PCSK5: variants seen among roughly 807,000 people sequenced by gnomAD.
PCSK5 encodes the protein proprotein convertase subtilisin/kexin type 5.
Under a neutral mutation model 233.2 loss-of-function variants are expected in PCSK5, and 129 were observed. That is an observed-to-expected ratio of 0.55 (90% CI 0.48 to 0.64). The LOEUF (loss-of-function observed/expected upper bound fraction) is 0.64. Among genes scored for constraint, PCSK5 ranks in the 30% least tolerant of loss-of-function variants. The pLI is 0.00. For missense variants in PCSK5, 2,076 were observed against 2,430.1 expected, an observed-to-expected ratio of 0.85 and a Z score of 3.06; for synonymous variants, 825 against 879.2, an observed-to-expected ratio of 0.94 and a Z score of 1.09.
At chr9:76,263,131 G>C (rs1398878836) in intron 24 of PCSK5, among the ~76,000 whole-genome samples, 2 of 151,900 alleles carry the variant, frequency 1.3e-5, no homozygotes, top group Non-Finnish European at 2.9e-5. Flanking sequence ...GGAAACAACA[G>C]GTGCTGGAGA....
chr9:76,067,183 A>T (rs1487676887), intron 5 of PCSK5, among the ~76,000 whole-genome samples: 1 of 152,250 alleles, frequency 6.6e-6, no homozygotes, highest in Non-Finnish European at 1.5e-5. Flanking sequence ...AAGTTCTTTC[A>T]GCTAAAAGAT....
chr9:75,966,763 CAAAT>C (rs1271642899), intron 2 of PCSK5, among the ~76,000 whole-genome samples: 3 of 152,102 alleles, frequency 2.0e-5, no homozygotes, highest in African/African-American at 2.4e-5. Flanking sequence ...ATGAGAAAAA[CAAAT>C]AAATTAGATA....
At chr9:76,084,254 A>G (rs1270798131) in intron 7 of PCSK5, among the ~76,000 whole-genome samples, 1 of 152,246 alleles carries the variant, frequency 6.6e-6, no homozygotes, top group Non-Finnish European at 1.5e-5. Flanking sequence ...TTAATTGCAC[A>G]AAGTTATCTG....
Position 76,175,085 on chromosome 9 carries a change from G to T in PCSK5, c.1856G>T (p.Arg619Leu). 8 of 1,614,144 alleles carry T rather than the reference G, an allele frequency of 5.0e-6. No homozygotes were observed. The highest frequency in any genetic ancestry group is 6.8e-6 in the Non-Finnish European group (8 of 1,179,996). Residue 619 changes from arginine (R) to leucine (L), a missense_variant, in exon 14 of 38, where the codon CGA becomes CTA. Physicochemically the swap from Arg to Leu is moderately radical, Grantham distance 102. This residue lies in a region of PCSK5 where 84 missense variants were observed against 108.8 expected (regional missense o/e 0.77). Transcript: ENST00000674117. Reference protein sequence around the residue: ...FPKVERFRYSRVEDPTDDYGT... With the variant: ...FPKVERFRYSLVEDPTDDYGT... ...AAAGTGGAACGGTTCCGCTATAGCC[G>T]AGTTGAAGACCCCACAGACGACTAT...
At chr9:76,332,673 T>C (rs1462334341) in intron 34 of PCSK5, 63 bp downstream of exon 34, 2 of 1,211,566 alleles carry the variant, frequency 1.7e-6, no homozygotes, top group South Asian at 2.9e-5. Context: ...CAACCCATTT[T>C]ACAAATGAGG....
At chr9:75,977,507 A>C (rs1427795442) in intron 2 of PCSK5, among the ~76,000 whole-genome samples, 1 of 149,358 alleles carries the variant, frequency 6.7e-6, no homozygotes, top group Non-Finnish European at 1.5e-5. Flanking sequence ...TTTCCTTCTG[A>C]GATTTTGTCT....
In PCSK5 at chr9:76,291,438, A is replaced by G. The variant is rs573909657; in HGVS notation, c.3143-795A>G. ...CTCCTATTAAAATAAGAAGAGCAAG[A>G]CTGGAAGGTAGGTTAGATCACAGAA... is the stretch of plus-strand genomic sequence containing the variant. On this transcript the variant is annotated intron_variant, in intron 24 of 37. Transcript: ENST00000674117. Among the ~76,000 whole-genome samples, 143 of 152,336 alleles carry G rather than the reference A, an allele frequency of 9.4e-4. 1 individual carries two copies. The highest frequency in any genetic ancestry group is 3.1e-3 in the African/African-American group (131 of 41,600).
At chr9:76,074,412 A>G (rs953224772) in intron 7 of PCSK5, among the ~76,000 whole-genome samples, 1 of 152,252 alleles carries the variant, frequency 6.6e-6, no homozygotes, top group Non-Finnish European at 1.5e-5. Flanking sequence ...TGAGGTAGTA[A>G]CAAAAGAAAT....
At chr9:76,223,607 T>C (rs1825796683) in intron 20 of PCSK5, among the ~76,000 whole-genome samples, 1 of 152,106 alleles carries the variant, frequency 6.6e-6, no homozygotes, top group Admixed American at 6.6e-5. Flanking sequence ...CATTATAGCA[T>C]AGGATGAGAA....
At chr9:76,064,694 CG>C (rs1830208931) in intron 5 of PCSK5, among the ~76,000 whole-genome samples, 2 of 145,144 alleles carry the variant, frequency 1.4e-5, no homozygotes, top group African/African-American at 5.1e-5. Flanking sequence ...ACTTCTCAGA[CG>C]GGGCGGCCGG....
chr9:75,990,230 C>T (rs1274579621), intron 3 of PCSK5, among the ~76,000 whole-genome samples: 1 of 152,152 alleles, frequency 6.6e-6, no homozygotes, highest in African/African-American at 2.4e-5. Flanking sequence ...TAGGGTCCTG[C>T]CTCCAGCTCG....
intron 5 of PCSK5, among the ~76,000 whole-genome samples, chr9:76,047,289 G>C (rs1405064922): frequency 3.3e-5 from 5 of 151,864 alleles, no homozygotes; most frequent in Admixed American, 2.0e-4. Flanking sequence ...GTAGAGATGG[G>C]GTTTCACCGT....
intron 32 of PCSK5, among the ~76,000 whole-genome samples, chr9:76,325,595 AGAG>A (rs1829336046): frequency 6.6e-6 from 1 of 152,188 alleles, no homozygotes; most frequent in African/African-American, 2.4e-5. Context: ...TAGTGAGGAC[AGAG>A]TTGGAAACTC....
At chr9:76,217,288 A>G (rs1351863215) in intron 20 of PCSK5, among the ~76,000 whole-genome samples, 2 of 152,236 alleles carry the variant, frequency 1.3e-5, no homozygotes, top group Non-Finnish European at 2.9e-5. Flanking sequence ...GCCACCAGAC[A>G]ATAAGAAGTG....
intron 2 of PCSK5, among the ~76,000 whole-genome samples, chr9:75,937,013 G>C (rs1285361652): frequency 1.3e-5 from 2 of 152,020 alleles, no homozygotes; most frequent in African/African-American, 4.8e-5. Context: ...TGGGTGACTA[G>C]GTACATTGTC....
chr9:75,985,562 C>T (rs1367728322), intron 2 of PCSK5, among the ~76,000 whole-genome samples: 1 of 151,968 alleles, frequency 6.6e-6, no homozygotes. Flanking sequence ...AAAATTGATG[C>T]ATACTCTAAG....
At chr9:76,149,697 A>T (rs1333598664) in intron 10 of PCSK5, among the ~76,000 whole-genome samples, 1 of 152,102 alleles carries the variant, frequency 6.6e-6, no homozygotes, top group Non-Finnish European at 1.5e-5. Context: ...CCAGACAGTC[A>T]TTCCTAAAAA....
intron 10 of PCSK5, among the ~76,000 whole-genome samples, chr9:76,149,726 G>A (rs1199157031): frequency 6.6e-6 from 1 of 152,142 alleles, no homozygotes; most frequent in Non-Finnish European, 1.5e-5. Flanking sequence ...AATGGGATCT[G>A]GATATGATGT....
intron 24 of PCSK5, among the ~76,000 whole-genome samples, chr9:76,264,031 G>A (rs988713469): frequency 2.0e-5 from 3 of 152,180 alleles, no homozygotes; most frequent in Non-Finnish European, 2.9e-5. Context: ...GAAAGCTGGA[G>A]GCATTACATT....
Sources: allele counts gnomAD v4.1 joint callset (sites outside exome capture counted in the v4.1 genomes callset), GRCh38; gene constraint gnomAD v4.1.1; regional missense constraint gnomAD v4.1.1; transcripts MANE v1.5; gene names NCBI Gene and HGNC (gene_info 2026-07-23, HGNC 2026-07-21).